The following TG variants were observed in gnomAD, a reference collection of about 807,000 sequenced individuals.
TG encodes the protein thyroid hormones.
A neutral mutation model predicts 324.7 loss-of-function variants in TG; 270 were observed. The ratio of observed to expected loss-of-function variants is 0.83; its 90% CI spans 0.75 to 0.92. TG has a LOEUF of 0.92. Among genes scored for constraint, TG ranks in the 40% least tolerant of loss-of-function variants. TG has a pLI of 0.00. For synonymous variants in TG, 1,401 were observed against 1,327.0 expected (o/e 1.06, Z -1.21); for missense variants, 3,591 against 3,456.4 (o/e 1.04, Z -0.98).
intron 1 of TG, 122 bp downstream of exon 1, chr8:132,867,189 G>T (rs1378564916): frequency 3.4e-6 from 3 of 890,120 alleles, no homozygotes; most frequent in Non-Finnish European, 5.2e-6. Context: ...ACATGTCAGT[G>T]ATTTGCTTTT....
At chr8:133,085,265 C>T (rs1292511550) in intron 41 of TG, among the ~76,000 whole-genome samples, 4 of 152,140 alleles carry the variant, frequency 2.6e-5, no homozygotes, top group African/African-American at 9.7e-5. Context: ...CTATAGAATG[C>T]AAGGCAGAAC....
intron 30 of TG, among the ~76,000 whole-genome samples, chr8:132,967,027 A>G (rs1034094000): frequency 2.2e-5 from 3 of 139,416 alleles, no homozygotes; most frequent in Non-Finnish European, 3.0e-5. Flanking sequence ...CCATCCTTCC[A>G]TCCCATCCAC....
chr8:132,986,576 C>G (rs1428637707), intron 35 of TG, among the ~76,000 whole-genome samples: 1 of 152,074 alleles, frequency 6.6e-6, no homozygotes, highest in Non-Finnish European at 1.5e-5. Context: ...ATATTGTTAA[C>G]AGAGATAGCT....
intron 41 of TG, among the ~76,000 whole-genome samples, chr8:133,040,932 G>T (rs1838100304): frequency 6.6e-6 from 1 of 152,184 alleles, no homozygotes; most frequent in Admixed American, 6.5e-5. Flanking sequence ...TCTCTTGCAT[G>T]AAAATCTCTG....
chr8:133,024,615 G>C (rs545125254), intron 40 of TG, among the ~76,000 whole-genome samples: 1 of 149,494 alleles, frequency 6.7e-6, no homozygotes, highest in South Asian at 2.1e-4. Flanking sequence ...CTGTGTCCAT[G>C]TATTCTCAGT....
chr8:133,049,090 G>A, intron 41 of TG: 1 of 449,884 alleles, frequency 2.2e-6, no homozygotes, highest in Non-Finnish European at 4.5e-6. Context: ...ACTTTTACAG[G>A]ACCCTCACAT....
At chr8:132,934,196 G>T (rs1396712973) in intron 24 of TG, among the ~76,000 whole-genome samples, 1 of 152,112 alleles carries the variant, frequency 6.6e-6, no homozygotes, top group Non-Finnish European at 1.5e-5. Context: ...TTAGCTGGGT[G>T]TGGTGGTGGA....
At position 132,908,249 on chromosome 8, in the gene TG, A is replaced by G. The variant is rs1818968809; in HGVS notation, c.3911A>G (p.Lys1304Arg). Residue 1304 changes from lysine (K) to arginine (R), a missense_variant, in exon 18 of 48, where the codon AAG becomes AGG. Coordinates refer to ENST00000220616, the MANE Select transcript of TG (RefSeq NM_003235.5). ...GHFQLQLPPG[K>R]MCSADYADLL... ...TTTCAGCTCCAGCTCCCGCCGGGCA[A>G]GATGTGCAGTGCTGACTACGCGGAT... The G allele has an allele frequency of 1.2e-6, 2 of 1,613,986 alleles. No homozygotes were observed. The highest frequency in any genetic ancestry group is 2.2e-5 in the East Asian group (1 of 44,836).
chr8:133,054,423 G>T (rs577742357), intron 41 of TG, among the ~76,000 whole-genome samples: 16 of 152,268 alleles, frequency 1.1e-4, no homozygotes, highest in African/African-American at 3.6e-4. Flanking sequence ...GATGCGATTT[G>T]GGGGGAGATT....
At chr8:133,085,437 A>G (rs922528232) in intron 41 of TG, among the ~76,000 whole-genome samples, 7 of 152,214 alleles carry the variant, frequency 4.6e-5, no homozygotes, top group African/African-American at 1.7e-4. Context: ...ATGGGAGAAA[A>G]TATTTGCAAA....
chr8:132,900,278 C>A lies in TG; in HGVS notation c.3372C>A (p.Thr1124=). 6.2e-7 allele frequency: 1 copy of A among 1,614,100 alleles called. No homozygotes were observed. The highest frequency in any genetic ancestry group is 8.5e-7 in the Non-Finnish European group (1 of 1,180,006). The change falls in exon 15 of 48, where the codon ACC becomes ACA. Residue 1124 remains threonine (T), a synonymous_variant. Transcript: ENST00000220616. ...YARLQASGAG[T]WCVDPASGEE... is the part of the protein sequence containing the mutation. ...GGCTGCAGGCATCGGGGGCTGGCACCTGGTGTGTGGACCCTGCATCAGGAG... is the reference window on the plus strand; with the variant it reads ...GGCTGCAGGCATCGGGGGCTGGCACATGGTGTGTGGACCCTGCATCAGGAG...
In TG at chr8:132,888,000, A is replaced by G. The variant is rs1173183452; in HGVS notation, c.2193A>G (p.Gln731=). Residue 731 remains glutamine (Q), a synonymous_variant, in exon 10 of 48, where the codon CAA becomes CAG. Coordinates refer to ENST00000220616, the MANE Select transcript of TG (RefSeq NM_003235.5). ...CCTCCCCAGGCCCCACGCCCTGTCA[A>G]TTACAGTCTGAGCAAGCTTTCCTCA... ...GKPKKCPTPC[Q]LQSEQAFLRT... is the part of the protein sequence containing the mutation. 1.9e-6 allele frequency: 3 copies of G among 1,613,970 alleles called. No homozygotes were observed. Among genetic ancestry groups the G allele is most frequent in the Non-Finnish European group, 1.7e-6 (2 of 1,179,970 alleles).
At chr8:132,926,799 C>T (rs1349883806) in intron 22 of TG, among the ~76,000 whole-genome samples, 1 of 152,166 alleles carries the variant, frequency 6.6e-6, no homozygotes, top group East Asian at 1.9e-4. Context: ...TCAGAGGTTG[C>T]AAGGTGTCCA....
In TG at chr8:133,069,933, G is replaced by T. The variant is rs1843701415; in HGVS notation, c.7240-25111G>T. Among the ~76,000 whole-genome samples, 2 of 145,000 alleles carry T rather than the reference G, an allele frequency of 1.4e-5. 1 individual carries two copies. Among genetic ancestry groups the T allele is most frequent in the South Asian group, 4.6e-4 (2 of 4,356 alleles). The stretch of plus-strand genomic sequence containing the variant: ...GGAGAAATGCTTGAACCCAGGAGAT[G>T]GAGGTTGCAGTGAGCCGAGATTGTG... On this transcript the variant is annotated intron_variant, in intron 41 of 47. Transcript: ENST00000220616.
At chr8:132,908,864 G>A (rs747280853) in intron 18 of TG, among the ~76,000 whole-genome samples, 10 of 152,140 alleles carry the variant, frequency 6.6e-5, no homozygotes, top group Non-Finnish European at 1.3e-4. Context: ...TGAAAGGGAC[G>A]GGAGTGAGGT....
At position 132,999,894 on chromosome 8, in the gene TG, G is replaced by T. The variant is rs1304403207; in HGVS notation, c.6263-12007G>T. 3.9e-5 allele frequency among the ~76,000 whole-genome samples: 6 copies of T among 152,200 alleles called. No individual in the cohort carries two copies. The South Asian group carries it at 1.0e-3, about 26-fold the overall frequency. On this transcript the variant is annotated intron_variant, in intron 35 of 47. Transcript: ENST00000220616. ...TCAATCCTTTATGTGGGTCTTTTCT[G>T]GTCCTTCTGGGTCACACAACCAGAC...
chr8:132,869,721 C>T lies in TG; in HGVS notation c.177-8C>T. On this transcript the variant is annotated splice_region_variant and splice_polypyrimidine_tract_variant and intron_variant, in intron 2 of 47. Transcript: ENST00000220616. Reference sequence around the variant, plus strand: ...CCCAGGGTCACCTGGTCTGTGTCTCCTCCTCAGGACTGTCCAGTGCCAGAA... The same window carrying T: ...CCCAGGGTCACCTGGTCTGTGTCTCTTCCTCAGGACTGTCCAGTGCCAGAA... 6.2e-7 allele frequency: 1 copy of T among 1,614,084 alleles called. No individual in the cohort carries two copies. The highest frequency in any genetic ancestry group is 2.2e-5 in the East Asian group (1 of 44,884).
intron 4 of TG, 98 bp from the exon 5 acceptor site, chr8:132,872,964 C>A: frequency 7.8e-7 from 1 of 1,288,984 alleles, no homozygotes; most frequent in Non-Finnish European, 1.1e-6. Context: ...TCTCAGAGCT[C>A]ATCCCCATTG....
intron 41 of TG, 143 bp from the exon 42 acceptor site, chr8:133,094,901 A>G: frequency 9.2e-7 from 1 of 1,083,140 alleles, no homozygotes; most frequent in Non-Finnish European, 1.4e-6. Flanking sequence ...TTATCTTCCC[A>G]TTGTGTGCAG....
Sources: allele counts gnomAD v4.1 joint callset (sites outside exome capture counted in the v4.1 genomes callset), GRCh38; gene constraint gnomAD v4.1.1; transcripts MANE v1.5; gene names NCBI Gene and HGNC (gene_info 2026-07-23, HGNC 2026-07-21).